Variants in PPP1R1C observed in about 807,000 individuals in gnomAD.
PPP1R1C encodes the protein protein phosphatase 1 regulatory inhibitor subunit 1C.
Under a neutral mutation model 17.4 loss-of-function variants are expected in PPP1R1C, and 15 were observed. The ratio of observed to expected loss-of-function variants is 0.86; its 90% CI spans 0.58 to 1.33. The LOEUF (loss-of-function observed/expected upper bound fraction) is 1.33, where lower values mean the gene tolerates loss of function less well. Ranked by LOEUF, PPP1R1C falls within the 40% of genes most tolerant of loss-of-function variation. The pLI, the probability that PPP1R1C is intolerant of heterozygous loss-of-function variation, is 0.00. For missense variants in PPP1R1C, 143 were observed against 130.0 expected (o/e 1.10, Z -0.48); for synonymous variants, 35 against 43.1 (o/e 0.81, Z 0.73).
At chr2:182,098,029 CTTCTT>C (rs941362280) in intron 4 of PPP1R1C, among the ~76,000 whole-genome samples, 4 of 151,740 alleles carry the variant, frequency 2.6e-5, no homozygotes, top group Non-Finnish European at 5.9e-5. Context: ...TAGTCCTTCT[CTTCTT>C]CTCTTCCAAA....
intron 2 of PPP1R1C, among the ~76,000 whole-genome samples, chr2:182,023,454 A>G (rs1297197570): frequency 6.6e-6 from 1 of 152,174 alleles, no homozygotes; most frequent in Non-Finnish European, 1.5e-5. Flanking sequence ...AATCCAACAT[A>G]AGGACAATTG....
At chr2:182,101,439 TA>T (rs1372519591) in intron 4 of PPP1R1C, among the ~76,000 whole-genome samples, 1 of 152,192 alleles carries the variant, frequency 6.6e-6, no homozygotes, top group African/African-American at 2.4e-5. Context: ...TACCATGAAA[TA>T]CATTTTACCT....
At chr2:182,083,858 T>TAA (rs1367376914) in intron 4 of PPP1R1C, among the ~76,000 whole-genome samples, 6 of 152,190 alleles carry the variant, frequency 3.9e-5, no homozygotes, top group Admixed American at 1.3e-4. Context: ...TCCATAGAGG[T>TAA]TGTACTAATT....
Position 181,962,248 on chromosome 2 carries a change from G to T in PPP1R1C, n.111+7614G>T. On this transcript the variant is annotated intron_variant and non_coding_transcript_variant, in intron 1 of 5. Transcript: ENST00000464264. This position sits in a 1 kb window ranked among gnomAD's most constrained non-coding sequence, Gnocchi z 6.0. Reference sequence around the variant, plus strand: ...TTTGCATTGTCTCCTTCTTATTCTGGATGCCTCCCATTCCTGCCAGACCCC... The same window carrying T: ...TTTGCATTGTCTCCTTCTTATTCTGTATGCCTCCCATTCCTGCCAGACCCC... The T allele has an allele frequency of 1.4e-6, 1 of 731,958 alleles. No homozygotes were observed. 45.3% of individuals were successfully genotyped at this position (731,958 alleles called of 1,614,324 possible).
upstream of PPP1R1C, among the ~76,000 whole-genome samples, chr2:181,984,834 C>T (rs1258480638): frequency 6.6e-6 from 1 of 152,130 alleles, no homozygotes; most frequent in Non-Finnish European, 1.5e-5. Flanking sequence ...CTCAAGAAAG[C>T]AGAGATCTCA....
At chr2:182,075,925 G>A (rs1259178723) in intron 4 of PPP1R1C, among the ~76,000 whole-genome samples, 1 of 151,974 alleles carries the variant, frequency 6.6e-6, no homozygotes, top group African/African-American at 2.4e-5. Flanking sequence ...GGATGATAAT[G>A]CTCACATTAT....
At chr2:182,091,351 A>G (rs991747889) in intron 4 of PPP1R1C, among the ~76,000 whole-genome samples, 1 of 152,208 alleles carries the variant, frequency 6.6e-6, no homozygotes, top group Non-Finnish European at 1.5e-5. Flanking sequence ...TAAGTGAATC[A>G]AAGTCTATCT....
At chr2:182,019,327 A>T (rs1015529925) in intron 2 of PPP1R1C, among the ~76,000 whole-genome samples, 2 of 152,094 alleles carry the variant, frequency 1.3e-5, no homozygotes, top group Non-Finnish European at 2.9e-5. Context: ...TCTCTCATCA[A>T]ATATTTTTGC....
chr2:182,014,205 G>A (rs1686181923), intron 2 of PPP1R1C, among the ~76,000 whole-genome samples: 3 of 152,126 alleles, frequency 2.0e-5, no homozygotes, highest in Admixed American at 2.0e-4. Context: ...TATTGAAAGG[G>A]CATTGAGTGT....
At chr2:182,087,446 T>C (rs1196148) in intron 4 of PPP1R1C, among the ~76,000 whole-genome samples, 94,050 of 152,072 alleles carry the variant, frequency 0.62, 29,250 homozygotes, top group African/African-American at 0.64. Context: ...CCCATGCTGC[T>C]TTCATCTTTT....
At chr2:181,998,342 C>G (rs946519362) in intron 2 of PPP1R1C, among the ~76,000 whole-genome samples, 1 of 152,116 alleles carries the variant, frequency 6.6e-6, no homozygotes. Flanking sequence ...GATATGTGAT[C>G]GACTATGGCA....
chr2:181,957,606 TCTTCTCAAAAC>T lies in PPP1R1C; in HGVS notation n.111+2973_111+2983del, dbSNP rs1684691692. On this transcript the variant is annotated intron_variant and non_coding_transcript_variant, in intron 1 of 5. Coordinates refer to the PPP1R1C transcript ENST00000464264. This position sits in a 1 kb window ranked among gnomAD's most constrained non-coding sequence, Gnocchi z 4.2. ...TAAAATTTATGAAGTTAGGGTGTCT[TCTTCTCAAAAC>T]TGTTTCTGTTTTGAGTATTCTTTAT... 2.0e-5 allele frequency among the ~76,000 whole-genome samples: 3 copies of T among 152,226 alleles called. No homozygotes were observed. The highest frequency in any genetic ancestry group is 7.2e-5 in the African/African-American group (3 of 41,460).
chr2:182,130,399 G>C (rs1689977469), downstream of PPP1R1C: 1 of 152,102 alleles, frequency 6.6e-6, no homozygotes, highest in African/African-American at 2.4e-5. Context: ...AGGAGCCAAA[G>C]ACAACATTCT....
intron 2 of PPP1R1C, among the ~76,000 whole-genome samples, chr2:181,992,514 G>A (rs1303542228): frequency 7.5e-6 from 1 of 133,552 alleles, no homozygotes; most frequent in African/African-American, 2.8e-5. Flanking sequence ...TCCATTTACC[G>A]TTAAGCAGAG....
intron 2 of PPP1R1C, among the ~76,000 whole-genome samples, chr2:181,999,421 A>C (rs1685698163): frequency 6.6e-6 from 1 of 152,188 alleles, no homozygotes; most frequent in Non-Finnish European, 1.5e-5. Flanking sequence ...GTTCAAGGTC[A>C]AAAGAGCTAT....
At chr2:182,009,550 T>C (rs1273447381) in intron 2 of PPP1R1C, among the ~76,000 whole-genome samples, 1 of 152,120 alleles carries the variant, frequency 6.6e-6, no homozygotes, top group Non-Finnish European at 1.5e-5. Flanking sequence ...TGAGTAGTTT[T>C]GAATATTTTC....
chr2:181,982,657 T>C (rs1559044645), upstream of PPP1R1C, among the ~76,000 whole-genome samples: 1 of 152,010 alleles, frequency 6.6e-6, no homozygotes, highest in African/African-American at 2.4e-5. Flanking sequence ...TAATTTGGGT[T>C]AAAAAAGGGA....
chr2:181,990,418 C>A (rs10186943), intron 2 of PPP1R1C, among the ~76,000 whole-genome samples: 15,237 of 152,140 alleles, frequency 0.1, 907 homozygotes, highest in African/African-American at 0.16. Flanking sequence ...GCTGGGATTA[C>A]AGGCCTGAGC....
At chr2:182,071,190 G>A (rs1688129797) in intron 4 of PPP1R1C, among the ~76,000 whole-genome samples, 1 of 152,050 alleles carries the variant, frequency 6.6e-6, no homozygotes, top group Admixed American at 6.6e-5. Context: ...TCTATTCTAG[G>A]AATCTATCCA....
Sources: gnomAD v4.1 joint callset for allele counts (sites outside exome capture counted in the v4.1 genomes callset) on GRCh38, gnomAD v4.1.1 for gene constraint, Gnocchi (gnomAD v3.1) non-coding constraint, MANE v1.5 for transcripts, NCBI Gene and HGNC (gene_info 2026-07-23, HGNC 2026-07-21) for gene names.